Variants in DLG5 observed in about 807,000 individuals in gnomAD.
DLG5 encodes discs large MAGUK scaffold protein 5.
A neutral mutation model predicts 189.8 loss-of-function variants in DLG5; 48 were observed. The observed-to-expected ratio is 0.25, with a 90% CI of 0.20 to 0.32. DLG5 has a LOEUF of 0.32. Among genes scored for constraint, DLG5 ranks in the 10% least tolerant of loss-of-function variants. The pLI, the probability that DLG5 is intolerant of heterozygous loss-of-function variation, is 1.00. For missense variants in DLG5, 2,160 were observed against 2,544.7 expected, an observed-to-expected ratio of 0.85 and a Z score of 3.25; for synonymous variants, 1,016 against 1,054.1, an observed-to-expected ratio of 0.96 and a Z score of 0.70.
intron 22 of DLG5, 84 bp downstream of exon 22, chr10:77,811,840 C>T: frequency 2.7e-6 from 4 of 1,477,108 alleles, no homozygotes; most frequent in Non-Finnish European, 3.6e-6. Flanking sequence ...GGCTGGCACC[C>T]TGGGTCTCCC....
chr10:77,841,992 G>A lies in DLG5; in HGVS notation c.1326C>T (p.Val442=), dbSNP rs763493403. Residue 442 remains valine (V), a synonymous_variant, in exon 7 of 32, where the codon GTC becomes GTT. Transcript: ENST00000372391. The stretch of plus-strand genomic sequence containing the variant: ...TCTGCAGCTTGTCCAGCTCAGAGAT[G>A]ACCTGGTCACGCTCACTCATGATGA... The part of the protein sequence containing the change: ...YKLIMSERDQ[V]ISELDKLQTE... 2 of 1,614,208 alleles carry A rather than the reference G, an allele frequency of 1.2e-6. No homozygotes were observed. The highest frequency in any genetic ancestry group is 3.3e-5 in the Admixed American group (2 of 60,032).
At position 77,794,014 on chromosome 10, in the gene DLG5, A is replaced by G; in HGVS notation, c.5650T>C (p.Phe1884Leu). 1 of 1,613,988 alleles carries G rather than the reference A, an allele frequency of 6.2e-7. No individual in the cohort carries two copies. The highest frequency in any genetic ancestry group is 8.5e-7 in the Non-Finnish European group (1 of 1,179,930). Residue 1884 changes from phenylalanine (F) to leucine (L), a missense_variant, in exon 31 of 32, where the codon TTC (phenylalanine) becomes CTC (leucine). Physicochemically the swap from Phe to Leu is conservative, Grantham distance 22. Transcript: ENST00000372391. Reference sequence around the variant, plus strand: ...CAGGCCCACGCACACCTACCTGTGAAGTACCTGCTGTACTCCTGCTCAAGC... The same window carrying G: ...CAGGCCCACGCACACCTACCTGTGAGGTACCTGCTGTACTCCTGCTCAAGC... ...QKLEQEYSRY[F>L]TGVIQGGALS...
chr10:77,804,617 C>T (rs1207409700), intron 27 of DLG5, among the ~76,000 whole-genome samples: 2 of 152,250 alleles, frequency 1.3e-5, no homozygotes, highest in East Asian at 3.9e-4. Context: ...GAGCCACGTT[C>T]CTAAGGGCCT....
chr10:77,920,453 T>G (rs1846501277), intron 1 of DLG5, among the ~76,000 whole-genome samples: 1 of 152,188 alleles, frequency 6.6e-6, no homozygotes, highest in Admixed American at 6.5e-5. Flanking sequence ...CATCTGCTCT[T>G]TTACCTGCGT....
At chr10:77,927,178 G>C (rs939567367), upstream of DLG5, 8 of 153,180 alleles carry the variant, frequency 5.2e-5, no homozygotes, top group Non-Finnish European at 1.2e-4. Flanking sequence ...GACGGGCGGA[G>C]GGGAGGGGTC....
At chr10:77,859,360 T>C (rs1844382853) in intron 2 of DLG5, among the ~76,000 whole-genome samples, 1 of 152,232 alleles carries the variant, frequency 6.6e-6, no homozygotes, top group African/African-American at 2.4e-5. Context: ...CGGTGTACAG[T>C]CATGTTTTAG....
At chr10:77,799,691 A>T (rs974685938) in intron 27 of DLG5, among the ~76,000 whole-genome samples, 1 of 152,086 alleles carries the variant, frequency 6.6e-6, no homozygotes, top group Non-Finnish European at 1.5e-5. Context: ...TCATCGCAGC[A>T]CTGTACTCCT....
chr10:77,806,145 A>G (rs921651464), intron 26 of DLG5: 6 of 416,836 alleles, frequency 1.4e-5, no homozygotes, highest in Admixed American at 4.0e-5. Context: ...GACAGCCTTC[A>G]ATTGGTGACA....
At chr10:77,886,728 T>G (rs1337085400) in intron 1 of DLG5, among the ~76,000 whole-genome samples, 1 of 152,190 alleles carries the variant, frequency 6.6e-6, no homozygotes, top group Non-Finnish European at 1.5e-5. Flanking sequence ...CCTTCTGCAG[T>G]TCCTCAAAAT....
chr10:77,817,149 T>G, intron 18 of DLG5, 53 bp from the exon 19 acceptor site: 1 of 1,491,266 alleles, frequency 6.7e-7, no homozygotes. Context: ...AACACCACCC[T>G]GTCCTTCCTC....
chr10:77,806,865 G>A lies in DLG5; in HGVS notation c.4860C>T (p.Leu1620=). The A allele has an allele frequency of 6.2e-7, 1 of 1,614,124 alleles. No homozygotes were observed. The highest frequency in any genetic ancestry group is 8.5e-7 in the Non-Finnish European group (1 of 1,179,988). The change falls in exon 26 of 32, where the codon CTC becomes CTT. Residue 1620 remains leucine, a synonymous_variant. Transcript: ENST00000372391. Reference sequence around the variant, plus strand: ...CCTGGGGTAAGGTGTCATCCACGTAGAGGATGTCGTCCTTCTTAAAGCTCA... The same window carrying A: ...CCTGGGGTAAGGTGTCATCCACGTAAAGGATGTCGTCCTTCTTAAAGCTCA... ...QELSFKKDDI[L]YVDDTLPQGT...
At chr10:77,931,118 C>A (rs181058247), upstream of DLG5, among the ~76,000 whole-genome samples, 4 of 151,926 alleles carry the variant, frequency 2.6e-5, no homozygotes, top group South Asian at 2.1e-4. Context: ...CCACACCTGG[C>A]CTTAATTTTT....
intron 25 of DLG5, among the ~76,000 whole-genome samples, chr10:77,807,369 A>G (rs2154575159): frequency 6.6e-6 from 1 of 152,312 alleles, no homozygotes; most frequent in Non-Finnish European, 1.5e-5. Flanking sequence ...AATGTGAAGA[A>G]AGCTCTGAGC....
the DLG5 span, among the ~76,000 whole-genome samples, chr10:77,932,953 T>C: frequency 6.6e-6 from 1 of 152,116 alleles, no homozygotes; most frequent in Non-Finnish European, 1.5e-5. Flanking sequence ...GTTCTTTGGG[T>C]AATAAAAAAG....
In DLG5 at chr10:77,796,680, G is replaced by A. The variant is rs368268867; in HGVS notation, c.5165-86C>T. The stretch of plus-strand genomic sequence containing the variant: ...CTGGGGAACCCCGCTCCCTGACCTC[G>A]CCCACTCTGGTTTGCCTGGGACTCC... On this transcript the variant is annotated intron_variant, in intron 27 of 31. Coordinates refer to ENST00000372391, the MANE Select transcript of DLG5 (RefSeq NM_004747.4). This position sits in a 1 kb window ranked among gnomAD's most constrained non-coding sequence, Gnocchi z 5.2. 5.7e-5 allele frequency: 88 copies of A among 1,546,254 alleles called. No homozygotes were observed. In the East Asian group the frequency reaches 6.0e-4, roughly 11 times the overall value.
At chr10:77,857,928 T>C (rs983231007) in intron 2 of DLG5, among the ~76,000 whole-genome samples, 1 of 152,186 alleles carries the variant, frequency 6.6e-6, no homozygotes, top group Non-Finnish European at 1.5e-5. Context: ...TAGGACATGA[T>C]AGGTCTTCTG....
At chr10:77,890,667 T>C (rs1208506725) in intron 1 of DLG5, among the ~76,000 whole-genome samples, 5 of 152,102 alleles carry the variant, frequency 3.3e-5, no homozygotes, top group Admixed American at 3.3e-4. Flanking sequence ...AAATACAAAA[T>C]TAGCTGGGCA....
intron 22 of DLG5, among the ~76,000 whole-genome samples, chr10:77,811,657 C>T (rs911604686): frequency 7.9e-5 from 12 of 152,222 alleles, no homozygotes; most frequent in African/African-American, 2.6e-4. Flanking sequence ...TGAGAATCCA[C>T]CCCCGGGGCC....
intron 1 of DLG5, among the ~76,000 whole-genome samples, chr10:77,905,516 T>C (rs1415318575): frequency 2.0e-5 from 3 of 152,202 alleles, no homozygotes; most frequent in Non-Finnish European, 4.4e-5. Flanking sequence ...TGTCCCTACG[T>C]TAAAAACACC....
Sources: allele counts gnomAD v4.1 joint callset (sites outside exome capture counted in the v4.1 genomes callset), GRCh38; gene constraint gnomAD v4.1.1; non-coding constraint Gnocchi (gnomAD v3.1); transcripts MANE v1.5; gene names NCBI Gene and HGNC (gene_info 2026-07-23, HGNC 2026-07-21).